The following YPEL1 variants were observed in gnomAD, a reference collection of about 807,000 sequenced individuals.
YPEL1 encodes the protein yippee like 1, also known as protein yippee-like 1.
Under a neutral mutation model 17.3 loss-of-function variants are expected in YPEL1, and 7 were observed. The observed-to-expected ratio is 0.40, with a 90% CI of 0.23 to 0.76. The LOEUF (loss-of-function observed/expected upper bound fraction) is 0.76, where lower values mean the gene tolerates loss of function less well. Ranked by LOEUF, YPEL1 falls within the 30% of genes least tolerant of loss-of-function variation. The pLI is 0.35. For synonymous variants in YPEL1, 59 were observed against 59.6 expected (o/e 0.99, Z 0.05); for missense variants, 91 against 155.5 (o/e 0.59, Z 2.21).
chr22:21,727,952 C>T (rs1031701777), intron 1 of YPEL1, among the ~76,000 whole-genome samples: 1 of 152,168 alleles, frequency 6.6e-6, no homozygotes, highest in Non-Finnish European at 1.5e-5. Context: ...GAAGCCAGTG[C>T]GTCAGGGTCA....
intron 1 of YPEL1, among the ~76,000 whole-genome samples, chr22:21,712,437 C>T (rs74556362): frequency 0.022 from 3,286 of 149,852 alleles, 121 homozygotes; most frequent in African/African-American, 0.076. Context: ...GATAAAGGGC[C>T]GGGTATGGGC....
intron 1 of YPEL1, among the ~76,000 whole-genome samples, chr22:21,716,054 G>A (rs1047947829): frequency 5.3e-5 from 8 of 152,022 alleles, no homozygotes; most frequent in African/African-American, 1.7e-4. Flanking sequence ...GAGCCACTGC[G>A]CCTGGCCCTA....
intron 1 of YPEL1, among the ~76,000 whole-genome samples, chr22:21,718,783 TACAC>T (rs10664985): frequency 1.5e-4 from 22 of 150,158 alleles, no homozygotes; most frequent in South Asian, 4.2e-4. Flanking sequence ...CACGTGTAAA[TACAC>T]ACACACACAC....
intron 2 of YPEL1, among the ~76,000 whole-genome samples, chr22:21,705,846 T>C (rs1172095784): frequency 1.3e-5 from 2 of 151,690 alleles, no homozygotes; most frequent in African/African-American, 4.8e-5. Flanking sequence ...AAAACATAAA[T>C]AGGCCAGGCG....
Position 21,703,703 on chromosome 22 carries a change from A to G in YPEL1, c.161+136T>C. The stretch of plus-strand genomic sequence containing the variant: ...GCAAGATCCTTAGCGCGTTTCAGAA[A>G]CTCCCGGCGGGGGGATGGTGGGTTC... On this transcript the variant is annotated intron_variant, in intron 3 of 4. Coordinates refer to ENST00000339468, the MANE Select transcript of YPEL1 (RefSeq NM_013313.5). The surrounding 1 kb of genome is among the most constrained non-coding windows in gnomAD (Gnocchi z 6.1). 1 of 722,958 alleles carries G rather than the reference A, an allele frequency of 1.4e-6. No homozygotes were observed. Among genetic ancestry groups the G allele is most frequent in the Non-Finnish European group, 2.1e-6 (1 of 471,378 alleles). 44.8% of individuals were successfully genotyped at this position (722,958 alleles called of 1,614,324 possible).
intron 1 of YPEL1, among the ~76,000 whole-genome samples, chr22:21,726,722 C>T (rs1338140547): frequency 6.6e-6 from 1 of 152,220 alleles, no homozygotes; most frequent in Admixed American, 6.5e-5. Flanking sequence ...AGCCTGCTGC[C>T]CTCCCTTGCT....
At chr22:21,715,712 G>C (rs2068215358) in intron 1 of YPEL1, among the ~76,000 whole-genome samples, 1 of 109,746 alleles carries the variant, frequency 9.1e-6, no homozygotes, top group Admixed American at 9.0e-5. Context: ...CTCCTGAGTA[G>C]CTGGGACTAC....
chr22:21,710,601 A>G, intron 2 of YPEL1, 27 bp downstream of exon 2: 1 of 1,566,414 alleles, frequency 6.4e-7, no homozygotes, highest in Non-Finnish European at 8.8e-7. Context: ...TCATTGTGCC[A>G]TCAATTTTTT....
chr22:21,715,858 G>C (rs138886016), intron 1 of YPEL1, among the ~76,000 whole-genome samples: 1,676 of 151,158 alleles, frequency 0.011, 34 homozygotes, highest in African/African-American at 0.039. Context: ...CCACCTCCCG[G>C]GTTCAAGTGA....
chr22:21,713,903 CAG>C (rs778324599), intron 1 of YPEL1, among the ~76,000 whole-genome samples: 41 of 152,278 alleles, frequency 2.7e-4, no homozygotes, highest in Admixed American at 1.0e-3. Flanking sequence ...AAGGGGCCTG[CAG>C]AGAGTCAGGC....
At chr22:21,730,875 G>A (rs974321497) in intron 1 of YPEL1, among the ~76,000 whole-genome samples, 2 of 152,128 alleles carry the variant, frequency 1.3e-5, no homozygotes, top group African/African-American at 4.8e-5. Context: ...CAGGTGCCTC[G>A]GCCCTCCAGG....
At chr22:21,708,057 G>A (rs2068129959) in intron 2 of YPEL1, among the ~76,000 whole-genome samples, 1 of 152,094 alleles carries the variant, frequency 6.6e-6, no homozygotes, top group African/African-American at 2.4e-5. Context: ...CTTAGAGGCT[G>A]TGAAGACAGT....
In YPEL1 at chr22:21,720,887, C is replaced by T. The variant is rs1302438537; in HGVS notation, c.-164-9979G>A. Among the ~76,000 whole-genome samples, 8 of 148,034 alleles carry T rather than the reference C, an allele frequency of 5.4e-5. No homozygotes were observed. In the Admixed American group the frequency reaches 5.5e-4, roughly 10 times the overall value. ...GCAGTGGTGTGATCTCAGCTTACTG[C>T]AAACCCTGCCTTCTGGGTTCAAGCA... On this transcript the variant is annotated intron_variant, in intron 1 of 4. Transcript: ENST00000339468.
Position 21,703,313 on chromosome 22 carries a change from A to T in YPEL1, c.270+57T>A. Reference sequence around the variant, plus strand: ...CACACTGCACGGGGAGGTGTGGCTCAGTGGCAACTTAGTGCCACATCCCCT... The same window carrying T: ...CACACTGCACGGGGAGGTGTGGCTCTGTGGCAACTTAGTGCCACATCCCCT... On this transcript the variant is annotated intron_variant, in intron 4 of 4. Coordinates refer to ENST00000339468, the MANE Select transcript of YPEL1 (RefSeq NM_013313.5). This position sits in a 1 kb window ranked among gnomAD's most constrained non-coding sequence, Gnocchi z 6.1. 6.8e-7 allele frequency: 1 copy of T among 1,475,650 alleles called. No individual in the cohort carries two copies. Among genetic ancestry groups the T allele is most frequent in the Non-Finnish European group, 9.4e-7 (1 of 1,058,614 alleles). The allele number at this position is 1,475,650 out of a possible 1,614,324, so 91.4% of individuals were successfully genotyped here. A position where few individuals can be genotyped will look rare whatever the true frequency, so the allele number is the denominator to read the frequency against.
chr22:21,733,873 C>A (rs190713885), intron 1 of YPEL1, among the ~76,000 whole-genome samples: 146 of 152,298 alleles, frequency 9.6e-4, no homozygotes, highest in African/African-American at 3.3e-3. Context: ...TGAAGACAGG[C>A]AAGAATCAAG....
chr22:21,734,200 AGAGT>A (rs2068415175), intron 1 of YPEL1, among the ~76,000 whole-genome samples: 1 of 152,238 alleles, frequency 6.6e-6, no homozygotes, highest in African/African-American at 2.4e-5. Context: ...ATCCTGAGCA[AGAGT>A]GAGACCCTGT....
At chr22:21,701,299 CAA>C (rs1292793205) in intron 4 of YPEL1, 81 bp from the exon 5 acceptor site, 14 of 997,156 alleles carry the variant, frequency 1.4e-5, no homozygotes. Flanking sequence ...AAACCCCCCC[CAA>C]GTCTATACTA....
intron 1 of YPEL1, among the ~76,000 whole-genome samples, chr22:21,716,464 T>C (rs1383822087): frequency 6.6e-6 from 1 of 152,226 alleles, no homozygotes; most frequent in South Asian, 2.1e-4. Context: ...TCTGCCCCCA[T>C]CCAGCCACCC....
rs764997568 is a variant in YPEL1, at chr22:21,703,896, G to A, written c.118-14C>T. ...CCCCTGAAAGGACTGAAAGAAGAAG[G>A]TCCCGTGAGATTGGCTGCGAGTGCT... On this transcript the variant is annotated splice_polypyrimidine_tract_variant and intron_variant, in intron 2 of 4. Transcript: ENST00000339468. The surrounding 1 kb of genome is among the most constrained non-coding windows in gnomAD (Gnocchi z 6.1). 1.1e-5 allele frequency: 18 copies of A among 1,590,464 alleles called. No individual in the cohort carries two copies. Among genetic ancestry groups the A allele is most frequent in the Middle Eastern group, 1.6e-4 (1 of 6,064 alleles).
Sources: allele counts gnomAD v4.1 joint callset (sites outside exome capture counted in the v4.1 genomes callset), GRCh38; gene constraint gnomAD v4.1.1; non-coding constraint Gnocchi (gnomAD v3.1); transcripts MANE v1.5; gene names NCBI Gene and HGNC (gene_info 2026-07-23, HGNC 2026-07-21).